RNF217: variants seen among roughly 807,000 people sequenced by gnomAD.
RNF217 encodes the protein ring finger protein 217, also known as E3 ubiquitin-protein ligase RNF217.
In RNF217, 31 loss-of-function variants were observed where a neutral mutation model predicts 57.8. The observed-to-expected ratio is 0.54, with a 90% CI of 0.40 to 0.72. The LOEUF (loss-of-function observed/expected upper bound fraction) is 0.72. RNF217 is among the 30% of genes least tolerant of loss of function. The pLI is 0.00. For missense variants in RNF217, 696 were observed against 708.3 expected, an observed-to-expected ratio of 0.98 and a Z score of 0.20; for synonymous variants, 313 against 294.0, an observed-to-expected ratio of 1.06 and a Z score of -0.66.
At chr6:124,975,282 A>G (rs965458846) in intron 1 of RNF217, among the ~76,000 whole-genome samples, 2 of 152,196 alleles carry the variant, frequency 1.3e-5, no homozygotes, top group African/African-American at 4.8e-5. Flanking sequence ...GAAAAATGAA[A>G]CAATTGCTTG....
chr6:125,048,955 C>CA (rs1215220451), intron 2 of RNF217, among the ~76,000 whole-genome samples: 7 of 152,112 alleles, frequency 4.6e-5, no homozygotes, highest in Non-Finnish European at 8.8e-5. Context: ...TACATTCAGA[C>CA]AACCTTGCCT....
intron 1 of RNF217, among the ~76,000 whole-genome samples, chr6:124,974,814 T>C (rs1783900352): frequency 6.6e-6 from 1 of 152,232 alleles, no homozygotes; most frequent in African/African-American, 2.4e-5. Flanking sequence ...TTCTAGTTTG[T>C]GTGGGTGATG....
chr6:125,049,483 C>T (rs1787227009), intron 2 of RNF217, among the ~76,000 whole-genome samples: 1 of 151,876 alleles, frequency 6.6e-6, no homozygotes, highest in South Asian at 2.1e-4. Flanking sequence ...TTGGATTTAC[C>T]AAGGTTGAAA....
At chr6:124,969,589 C>G (rs999051960) in intron 1 of RNF217, among the ~76,000 whole-genome samples, 1 of 152,156 alleles carries the variant, frequency 6.6e-6, no homozygotes, top group Non-Finnish European at 1.5e-5. Context: ...TATTGGACAT[C>G]TATCTTGTAA....
intron 2 of RNF217, chr6:125,046,571 A>C (rs1787107707): frequency 6.6e-6 from 3 of 455,634 alleles, no homozygotes; most frequent in Non-Finnish European, 1.3e-5. Context: ...AAAACCAGTG[A>C]GGCTGTGGCA....
chr6:125,034,313 G>A (rs1786502528), intron 1 of RNF217, among the ~76,000 whole-genome samples: 1 of 152,128 alleles, frequency 6.6e-6, no homozygotes, highest in Non-Finnish European at 1.5e-5. Flanking sequence ...TTGTTCTAGG[G>A]TTTTTATGGT....
At chr6:125,074,044 A>T (rs520292) in intron 3 of RNF217, among the ~76,000 whole-genome samples, 69,281 of 151,556 alleles carry the variant, frequency 0.46, 16,130 homozygotes, top group Middle Eastern at 0.54. Context: ...TCTGTAAGGC[A>T]GAAGCTTACC....
At chr6:125,066,582 TA>T (rs1353418985) in intron 3 of RNF217, among the ~76,000 whole-genome samples, 4 of 152,274 alleles carry the variant, frequency 2.6e-5, no homozygotes, top group South Asian at 4.1e-4. Flanking sequence ...AGCTTCTCAG[TA>T]AAACTTCCCT....
chr6:125,045,501 TA>T (rs1438939596), intron 2 of RNF217, 57 bp downstream of exon 2: 29 of 1,332,360 alleles, frequency 2.2e-5, no homozygotes, highest in Admixed American at 1.1e-4. Context: ...GCAGCCAGAT[TA>T]GATCCACTTG....
intron 1 of RNF217, chr6:125,009,260 A>G (rs1182347847): frequency 6.2e-7 from 1 of 1,610,980 alleles, no homozygotes; most frequent in South Asian, 1.1e-5. Flanking sequence ...ACACCCATAA[A>G]CCAGTTCAAG....
chr6:125,013,607 G>C (rs1413597), intron 1 of RNF217, among the ~76,000 whole-genome samples: 11,992 of 151,640 alleles, frequency 0.079, 1,634 homozygotes, highest in African/African-American at 0.28. Flanking sequence ...AAGACTTATA[G>C]AGTTCGTATT....
intron 4 of RNF217, among the ~76,000 whole-genome samples, chr6:125,078,727 T>G (rs1411862700): frequency 6.6e-6 from 1 of 152,104 alleles, no homozygotes; most frequent in Non-Finnish European, 1.5e-5. Context: ...CAGGCGCATG[T>G]GTGCAAATAA....
chr6:125,030,848 A>G (rs6920132), intron 1 of RNF217, among the ~76,000 whole-genome samples: 6,449 of 152,226 alleles, frequency 0.042, 171 homozygotes, highest in African/African-American at 0.079. Flanking sequence ...CGGTGCCCCA[A>G]TAGGGACACT....
At chr6:125,048,276 TTGCAGTA>T in intron 2 of RNF217, 1 of 1,329,626 alleles carries the variant, frequency 7.5e-7, no homozygotes, top group Non-Finnish European at 1.0e-6. Flanking sequence ...ATTTTTTATT[TTGCAGTA>T]TTTTTAAAAA....
intron 1 of RNF217, among the ~76,000 whole-genome samples, chr6:124,968,218 A>G (rs1352992704): frequency 6.6e-6 from 1 of 152,180 alleles, no homozygotes; most frequent in Non-Finnish European, 1.5e-5. Context: ...TGGTTTTGGT[A>G]GTCCTGAAAA....
At chr6:125,075,432 C>T (rs1788324182) in intron 3 of RNF217, among the ~76,000 whole-genome samples, 1 of 152,078 alleles carries the variant, frequency 6.6e-6, no homozygotes, top group Admixed American at 6.6e-5. Context: ...CCTCAGGAAA[C>T]TTACAATCAT....
chr6:125,021,567 A>AAAAT (rs1202197381), intron 1 of RNF217, among the ~76,000 whole-genome samples: 22 of 152,008 alleles, frequency 1.4e-4, no homozygotes, highest in East Asian at 3.9e-4. Flanking sequence ...ACCCGGCCAG[A>AAAAT]AAATGCTTAC....
intron 1 of RNF217, among the ~76,000 whole-genome samples, chr6:124,998,326 G>C (rs1410922771): frequency 6.6e-6 from 1 of 152,032 alleles, no homozygotes; most frequent in Non-Finnish European, 1.5e-5. Flanking sequence ...TTCTCTAACA[G>C]AGGTACAAAC....
intron 1 of RNF217, among the ~76,000 whole-genome samples, chr6:125,040,009 A>G (rs931511049): frequency 3.3e-5 from 5 of 152,310 alleles, no homozygotes; most frequent in Middle Eastern, 3.4e-3. Context: ...AAGATCTGAA[A>G]TCAACACCCT....
Sources: gnomAD v4.1 joint callset for allele counts (sites outside exome capture counted in the v4.1 genomes callset) on GRCh38, gnomAD v4.1.1 for gene constraint, MANE v1.5 for transcripts, NCBI Gene and HGNC (gene_info 2026-07-23, HGNC 2026-07-21) for gene names.